The following FHIT variants were observed in gnomAD, a reference collection of about 807,000 sequenced individuals.
FHIT encodes fragile histidine triad diadenosine triphosphatase.
A neutral mutation model predicts 17.9 loss-of-function variants in FHIT; 19 were observed. The ratio of observed to expected loss-of-function variants is 1.06; its 90% CI spans 0.74 to 1.56. The LOEUF is 1.56. Among genes scored for constraint, FHIT ranks in the 40% most tolerant of loss-of-function variants. FHIT has a pLI of 0.00. For synonymous variants in FHIT, 81 were observed against 69.7 expected (o/e 1.16, Z -0.81); for missense variants, 248 against 189.2 (o/e 1.31, Z -1.82).
At chr3:60,087,544 G>T (rs1023807563) in intron 5 of FHIT, among the ~76,000 whole-genome samples, 6 of 152,084 alleles carry the variant, frequency 3.9e-5, no homozygotes, top group African/African-American at 7.2e-5. Context: ...AGCATAACCT[G>T]TTAAAAGTAG....
chr3:61,121,593 A>C (rs1281652500), intron 2 of FHIT, among the ~76,000 whole-genome samples: 1 of 152,208 alleles, frequency 6.6e-6, no homozygotes, highest in East Asian at 1.9e-4. Context: ...AGGAAGCACT[A>C]AATATGGAAA....
chr3:60,057,867 G>T (rs1227742427), intron 5 of FHIT, among the ~76,000 whole-genome samples: 3 of 152,046 alleles, frequency 2.0e-5, no homozygotes, highest in Non-Finnish European at 4.4e-5. Context: ...TACATAGTCT[G>T]GTTTTGGTCA....
At chr3:61,121,774 AC>A (rs1300698290) in intron 2 of FHIT, among the ~76,000 whole-genome samples, 1 of 152,222 alleles carries the variant, frequency 6.6e-6, no homozygotes, top group Non-Finnish European at 1.5e-5. Flanking sequence ...GCTAAATGCC[AC>A]AATTAAAAGA....
At chr3:60,344,417 C>T (rs986062286) in intron 5 of FHIT, among the ~76,000 whole-genome samples, 1 of 152,136 alleles carries the variant, frequency 6.6e-6, no homozygotes, top group Non-Finnish European at 1.5e-5. Context: ...CTATTTTCTC[C>T]ATATTTCAAC....
chr3:60,694,133 A>C (rs2041058950), intron 4 of FHIT, among the ~76,000 whole-genome samples: 1 of 152,220 alleles, frequency 6.6e-6, no homozygotes. Context: ...GGGAAAGACC[A>C]GAAAGGCAAT....
intron 8 of FHIT, among the ~76,000 whole-genome samples, chr3:59,762,870 A>G (rs1050799174): frequency 3.9e-5 from 6 of 152,204 alleles, no homozygotes; most frequent in African/African-American, 1.4e-4. Flanking sequence ...AAGGGACTAG[A>G]GATCTCTGCC....
chr3:60,270,317 C>T lies in FHIT; in HGVS notation c.104-256165G>A, dbSNP rs143036756. ...CTCTCTTTCCTGCTGCAGTGAGAGA[C>T]ACATTTGTGTCCTTCACATACAATC... On this transcript the variant is annotated intron_variant, in intron 5 of 9. Transcript: ENST00000492590. Among the ~76,000 whole-genome samples the T allele has an allele frequency of 1.6e-4, 25 of 152,298 alleles. No individual in the cohort carries two copies. The East Asian group carries it at 4.2e-3, about 26-fold the overall frequency.
intron 5 of FHIT, among the ~76,000 whole-genome samples, chr3:60,528,944 A>G (rs1008455417): frequency 3.3e-5 from 5 of 152,310 alleles, no homozygotes; most frequent in African/African-American, 9.6e-5. Context: ...ACACATAAAC[A>G]TAACTCCACT....
chr3:60,290,855 G>T (rs1276796273), intron 5 of FHIT, among the ~76,000 whole-genome samples: 1 of 152,060 alleles, frequency 6.6e-6, no homozygotes, highest in Non-Finnish European at 1.5e-5. Flanking sequence ...GGGGTGGGAG[G>T]GCTCACAAAG....
chr3:60,264,134 A>T (rs213328), intron 5 of FHIT, among the ~76,000 whole-genome samples: 119,554 of 151,746 alleles, frequency 0.79, 47,707 homozygotes, highest in East Asian at 0.99. Context: ...CCAAAGAGAA[A>T]GCCTTTCACC....
intron 5 of FHIT, among the ~76,000 whole-genome samples, chr3:60,090,518 C>T (rs1016936361): frequency 9.9e-5 from 15 of 152,244 alleles, no homozygotes; most frequent in African/African-American, 3.6e-4. Flanking sequence ...AAGTAATCAC[C>T]TTTGAAGTGC....
chr3:60,075,508 G>T (rs2107003471), intron 5 of FHIT, among the ~76,000 whole-genome samples: 1 of 152,212 alleles, frequency 6.6e-6, no homozygotes, highest in East Asian at 1.9e-4. Flanking sequence ...TGTTTAAAAT[G>T]ATATTTCTCA....
At chr3:60,940,367 T>C (rs1002554240) in intron 3 of FHIT, among the ~76,000 whole-genome samples, 1 of 152,082 alleles carries the variant, frequency 6.6e-6, no homozygotes, top group Non-Finnish European at 1.5e-5. Context: ...AGACAATTAC[T>C]TAAGTGTATT....
chr3:60,953,852 T>C (rs1334357227), intron 3 of FHIT, among the ~76,000 whole-genome samples: 1 of 152,224 alleles, frequency 6.6e-6, no homozygotes, highest in Non-Finnish European at 1.5e-5. Context: ...TGCTGGTCTT[T>C]CAATGTCACG....
intron 5 of FHIT, among the ~76,000 whole-genome samples, chr3:60,477,487 C>T (rs1479798909): frequency 6.6e-6 from 1 of 152,118 alleles, no homozygotes; most frequent in Admixed American, 6.5e-5. Context: ...TGAATGTGTA[C>T]TCTCTTGCCA....
intron 4 of FHIT, among the ~76,000 whole-genome samples, chr3:60,681,521 G>A (rs1351446103): frequency 6.6e-6 from 1 of 152,148 alleles, no homozygotes; most frequent in African/African-American, 2.4e-5. Context: ...AGCTTGGCGA[G>A]GAAGGCATGT....
intron 5 of FHIT, among the ~76,000 whole-genome samples, chr3:60,504,796 T>G (rs1217259812): frequency 6.6e-6 from 1 of 152,254 alleles, no homozygotes; most frequent in Non-Finnish European, 1.5e-5. Context: ...GTAGCCTTTC[T>G]GCCCGGTAGT....
chr3:61,216,953 A>G (rs2039697337), intron 1 of FHIT, among the ~76,000 whole-genome samples: 1 of 139,174 alleles, frequency 7.2e-6, no homozygotes. Flanking sequence ...ATGAGAACAC[A>G]TGGACACAGG....
chr3:60,089,658 C>T (rs571817312), intron 5 of FHIT, among the ~76,000 whole-genome samples: 16 of 152,278 alleles, frequency 1.1e-4, no homozygotes, highest in African/African-American at 3.8e-4. Context: ...TAACAAAATA[C>T]CTGACAATGG....
Sources: gnomAD v4.1 joint callset for allele counts (sites outside exome capture counted in the v4.1 genomes callset) on GRCh38, gnomAD v4.1.1 for gene constraint, MANE v1.5 for transcripts, NCBI Gene and HGNC (gene_info 2026-07-23, HGNC 2026-07-21) for gene names.